The following CENPP variants were observed in gnomAD, a reference collection of about 807,000 sequenced individuals.
CENPP encodes centromere protein P.
In CENPP, 24 loss-of-function variants were observed where a neutral mutation model predicts 35.6. The observed-to-expected ratio is 0.67, with a 90% confidence interval of 0.49 to 0.95. The LOEUF (loss-of-function observed/expected upper bound fraction) is 0.95. Ranked by LOEUF, CENPP falls within the 40% of genes least tolerant of loss-of-function variation. CENPP has a pLI of 0.00. For synonymous variants in CENPP, 120 were observed against 125.5 expected (o/e 0.96, Z 0.29); for missense variants, 332 against 345.3 (o/e 0.96, Z 0.31).
chr9:92,332,791 G>A (rs1840794767), intron 2 of CENPP, among the ~76,000 whole-genome samples: 1 of 141,230 alleles, frequency 7.1e-6, no homozygotes, highest in South Asian at 2.5e-4. Flanking sequence ...CTGGGGGACA[G>A]AGCAAGACTC....
chr9:92,388,411 C>T (rs1001931823), intron 5 of CENPP, among the ~76,000 whole-genome samples: 10 of 152,200 alleles, frequency 6.6e-5, no homozygotes, highest in Non-Finnish European at 1.0e-4. Flanking sequence ...ATCCGCCTGC[C>T]TCATCCTCCT....
intron 5 of CENPP, chr9:92,424,166 A>G (rs1232528775): frequency 2.0e-5 from 3 of 152,196 alleles, no homozygotes; most frequent in Non-Finnish European, 4.4e-5. Flanking sequence ...GTAGGAATAC[A>G]TTCTTAAAAA....
chr9:92,439,974 T>C (rs938866974), intron 5 of CENPP, among the ~76,000 whole-genome samples: 22 of 152,292 alleles, frequency 1.4e-4, no homozygotes, highest in Non-Finnish European at 2.8e-4. Flanking sequence ...CCCATTTGAG[T>C]TACCCATGGT....
At chr9:92,522,458 C>CTTTAGAAAA in intron 5 of CENPP, 1 of 1,136,754 alleles carries the variant, frequency 8.8e-7, no homozygotes, top group Non-Finnish European at 1.2e-6. Context: ...CTGGATTTTT[C>CTTTAGAAAA]TTTAGAAAAT....
chr9:92,370,018 A>G (rs1157154155), intron 4 of CENPP, among the ~76,000 whole-genome samples: 1 of 152,154 alleles, frequency 6.6e-6, no homozygotes, highest in East Asian at 1.9e-4. Context: ...TGAGTGTTTG[A>G]ATCCTGGGAG....
chr9:92,619,400 G>A lies in CENPP; in HGVS notation c.*6251G>A. Reference sequence around the variant, plus strand: ...CCGCCATGGAGTCTCTAAATATGGGGAAACCAACTATCCTATTAACAATTC... The same window carrying A: ...CCGCCATGGAGTCTCTAAATATGGGAAAACCAACTATCCTATTAACAATTC... On this transcript the variant is annotated 3_prime_UTR_variant, in exon 8 of 8. Transcript: ENST00000375587. 8.9e-7 allele frequency: 1 copy of A among 1,122,512 alleles called. No homozygotes were observed. 69.5% of individuals were successfully genotyped at this position (1,122,512 alleles called of 1,614,324 possible). A position where few individuals can be genotyped will look rare whatever the true frequency, so the allele number is the denominator to read the frequency against.
intron 5 of CENPP, chr9:92,389,559 G>T: frequency 4.6e-6 from 1 of 215,740 alleles, no homozygotes. Context: ...TAAGTGTCAT[G>T]AGAGGGCCAA....
intron 5 of CENPP, chr9:92,460,713 G>A (rs1485541615): frequency 6.3e-5 from 36 of 574,600 alleles, no homozygotes; most frequent in Admixed American, 1.2e-4. Flanking sequence ...TTTCACTCTT[G>A]TTGCCCAGAC....
At chr9:92,558,669 A>G (rs1849778516) in intron 5 of CENPP, among the ~76,000 whole-genome samples, 1 of 152,136 alleles carries the variant, frequency 6.6e-6, no homozygotes, top group African/African-American at 2.4e-5. Context: ...TAGAGTGGAA[A>G]GGGACCAGCA....
At position 92,334,832 on chromosome 9, in the gene CENPP, A is replaced by C. The variant is rs1259445038; in HGVS notation, c.289+2481A>C. On this transcript the variant is annotated intron_variant, in intron 2 of 7. Transcript: ENST00000375587. ...GAGGCGGAGGTTGCAGTGAGCTGAG[A>C]TTGCACCACTGCGCTTCAGCCTTGG... Among the ~76,000 whole-genome samples the C allele has an allele frequency of 4.0e-5, 6 of 151,726 alleles. No homozygotes were observed. The East Asian group carries it at 1.2e-3, about 30-fold the overall frequency.
chr9:92,469,151 G>A (rs575592230), intron 5 of CENPP, among the ~76,000 whole-genome samples: 2 of 152,282 alleles, frequency 1.3e-5, no homozygotes, highest in Admixed American at 1.3e-4. Flanking sequence ...GGTGGACTGG[G>A]TGGATCCTCG....
chr9:92,428,419 C>A (rs1272349359), intron 5 of CENPP, among the ~76,000 whole-genome samples: 8 of 152,120 alleles, frequency 5.3e-5, no homozygotes, highest in Non-Finnish European at 1.2e-4. Context: ...TGAGCATGGG[C>A]CCAGGAACTT....
chr9:92,470,786 G>A (rs1341332120), intron 5 of CENPP: 1 of 1,484,506 alleles, frequency 6.7e-7, no homozygotes, highest in Admixed American at 1.9e-5. Context: ...TCAAACCTTA[G>A]AAAGAAACAA....
At chr9:92,562,210 T>C (rs565158065) in intron 5 of CENPP, among the ~76,000 whole-genome samples, 3 of 147,110 alleles carry the variant, frequency 2.0e-5, no homozygotes, top group East Asian at 2.0e-4. Context: ...TTCTTTTCTT[T>C]TTTTTTTTTT....
chr9:92,361,198 T>A (rs1488829129), intron 4 of CENPP, among the ~76,000 whole-genome samples: 1 of 151,772 alleles, frequency 6.6e-6, no homozygotes, highest in Non-Finnish European at 1.5e-5. Flanking sequence ...TGGAGTGCAG[T>A]GGCAAGATCT....
chr9:92,446,092 C>T (rs551805824), intron 5 of CENPP, among the ~76,000 whole-genome samples: 2 of 151,414 alleles, frequency 1.3e-5, no homozygotes, highest in Admixed American at 1.3e-4. Flanking sequence ...GAAAAAAAAA[C>T]TCTCCATCAC....
chr9:92,330,981 C>A (rs112950607), intron 1 of CENPP, among the ~76,000 whole-genome samples: 3 of 151,958 alleles, frequency 2.0e-5, no homozygotes, highest in African/African-American at 7.2e-5. Flanking sequence ...TGAGCCACTG[C>A]GCCAGGCCAA....
intron 3 of CENPP, among the ~76,000 whole-genome samples, chr9:92,345,345 C>T (rs2130803127): frequency 6.6e-6 from 1 of 151,608 alleles, no homozygotes; most frequent in East Asian, 2.0e-4. Flanking sequence ...ATTAGCCGGG[C>T]GTGGTGGTGG....
At chr9:92,388,001 C>A (rs1472134027) in intron 5 of CENPP, among the ~76,000 whole-genome samples, 1 of 151,212 alleles carries the variant, frequency 6.6e-6, no homozygotes, top group Non-Finnish European at 1.5e-5. Context: ...TGAGCTCAGG[C>A]AATCTGCCCG....
Sources: gnomAD v4.1 joint callset for allele counts (sites outside exome capture counted in the v4.1 genomes callset) on GRCh38, gnomAD v4.1.1 for gene constraint, MANE v1.5 for transcripts, NCBI Gene and HGNC (gene_info 2026-07-23, HGNC 2026-07-21) for gene names.